CNTN5: variants seen among roughly 807,000 people sequenced by gnomAD.
CNTN5 encodes the protein contactin-5.
CNTN5 carries 77 observed loss-of-function variants against 129.1 expected under a neutral mutation model. The observed-to-expected ratio is 0.60, with a 90% CI of 0.50 to 0.72. The LOEUF (loss-of-function observed/expected upper bound fraction) is 0.72, where lower values mean the gene tolerates loss of function less well. Ranked by LOEUF, CNTN5 falls within the 30% of genes least tolerant of loss-of-function variation. CNTN5 has a pLI of 0.00. For missense variants in CNTN5, 1,478 were observed against 1,328.8 expected, an observed-to-expected ratio of 1.11 and a Z score of -1.75; for synonymous variants, 509 against 465.6, an observed-to-expected ratio of 1.09 and a Z score of -1.20.
intron 1 of CNTN5, among the ~76,000 whole-genome samples, chr11:99,270,724 C>A (rs993902607): frequency 6.6e-6 from 1 of 151,896 alleles, no homozygotes; most frequent in Admixed American, 6.6e-5. Context: ...AATATTATAC[C>A]GACATGCTGT....
At chr11:99,116,290 C>A (rs981684918) in intron 1 of CNTN5, among the ~76,000 whole-genome samples, 3 of 152,090 alleles carry the variant, frequency 2.0e-5, no homozygotes, top group African/African-American at 4.8e-5. Context: ...CGATTTCCCC[C>A]AAAATTTATC....
chr11:100,029,489 A>G (rs924743123), intron 9 of CNTN5, among the ~76,000 whole-genome samples: 13 of 152,248 alleles, frequency 8.5e-5, no homozygotes, highest in African/African-American at 2.9e-4. Context: ...AGGCTGAGGC[A>G]GGAGAATGGC....
chr11:99,997,381 A>G (rs1295519234), intron 8 of CNTN5, among the ~76,000 whole-genome samples: 2 of 152,310 alleles, frequency 1.3e-5, no homozygotes, highest in East Asian at 1.9e-4. Context: ...AAACACCTCT[A>G]TGCAAATAAA....
intron 18 of CNTN5, among the ~76,000 whole-genome samples, chr11:100,288,181 C>G (rs923619136): frequency 1.3e-5 from 2 of 152,164 alleles, no homozygotes; most frequent in African/African-American, 4.8e-5. Context: ...AACCCACTGT[C>G]AACATTAGAC....
In CNTN5 at chr11:99,924,541, A is replaced by G. The variant is rs1194306047; in HGVS notation, c.673+8392A>G. On this transcript the variant is annotated intron_variant, in intron 7 of 24. Transcript: ENST00000524871. The stretch of plus-strand genomic sequence containing the variant: ...TTTTTGTCATTTTTTTTGAAGATCA[A>G]TTGGTTGTGGGTATGCAGCTTTAAT... 4.6e-5 allele frequency among the ~76,000 whole-genome samples: 7 copies of G among 151,972 alleles called. 1 individual carries two copies. The East Asian group carries it at 5.8e-4, about 13-fold the overall frequency.
At position 99,392,867 on chromosome 11, in the gene CNTN5, A is replaced by G. The variant is rs755909709; in HGVS notation, c.-71+67383A>G. On this transcript the variant is annotated intron_variant, in intron 2 of 24. Coordinates refer to ENST00000524871, the MANE Select transcript of CNTN5 (RefSeq NM_014361.4). Reference sequence around the variant, plus strand: ...CTAATGTTGTAGACCAAACAACAGGACATGCCTAAACATTTCAAAGTAGAA... The same window carrying G: ...CTAATGTTGTAGACCAAACAACAGGGCATGCCTAAACATTTCAAAGTAGAA... Among the ~76,000 whole-genome samples, 3 of 151,920 alleles carry G rather than the reference A, an allele frequency of 2.0e-5. No homozygotes were observed. The East Asian group carries it at 5.8e-4, about 29-fold the overall frequency.
chr11:100,203,840 T>C (rs1948845462), intron 15 of CNTN5, among the ~76,000 whole-genome samples: 1 of 84,690 alleles, frequency 1.2e-5, no homozygotes, highest in Non-Finnish European at 2.5e-5. Context: ...ACTGCCCCTA[T>C]CTTGGATCTA....
chr11:99,079,592 C>T (rs542080499), intron 1 of CNTN5, among the ~76,000 whole-genome samples: 8 of 152,252 alleles, frequency 5.3e-5, no homozygotes, highest in African/African-American at 1.7e-4. Flanking sequence ...AATTGGCTAA[C>T]GAATATAGAA....
chr11:100,298,384 T>C (rs1340666010), intron 19 of CNTN5, among the ~76,000 whole-genome samples: 1 of 151,514 alleles, frequency 6.6e-6, no homozygotes, highest in Non-Finnish European at 1.5e-5. Context: ...TGACCTTCAC[T>C]GAGACCAGAT....
chr11:99,509,962 C>T (rs990082111), intron 2 of CNTN5, among the ~76,000 whole-genome samples: 5 of 151,434 alleles, frequency 3.3e-5, no homozygotes, highest in African/African-American at 1.2e-4. Flanking sequence ...TTCTGTAAGT[C>T]TATATACAAA....
In CNTN5 at chr11:99,179,537, A is replaced by T. The variant is rs369733148; in HGVS notation, c.-209-145809A>T. Among the ~76,000 whole-genome samples the T allele has an allele frequency of 2.0e-5, 3 of 152,222 alleles. No individual in the cohort carries two copies. The South Asian group carries it at 6.2e-4, about 31-fold the overall frequency. On this transcript the variant is annotated intron_variant, in intron 1 of 24. Transcript: ENST00000524871. ...CTAGTTTTACCTAGTTCATATAGAT[A>T]TTTCTAAAGAGTTAATGTAATTTTA...
chr11:99,688,806 G>T (rs932168813), intron 3 of CNTN5, among the ~76,000 whole-genome samples: 1 of 151,990 alleles, frequency 6.6e-6, no homozygotes, highest in Non-Finnish European at 1.5e-5. Context: ...CTCTCTACAC[G>T]TTAATGTATT....
chr11:99,235,707 T>A (rs922808189), intron 1 of CNTN5, among the ~76,000 whole-genome samples: 6 of 152,190 alleles, frequency 3.9e-5, no homozygotes, highest in African/African-American at 1.4e-4. Context: ...GTTAGTTGGA[T>A]TTCTTTTCCT....
chr11:99,538,895 G>A (rs746252797), intron 2 of CNTN5, among the ~76,000 whole-genome samples: 4 of 152,046 alleles, frequency 2.6e-5, no homozygotes, highest in Non-Finnish European at 5.9e-5. Flanking sequence ...ATATTAATAT[G>A]CTTAAATTTT....
intron 3 of CNTN5, among the ~76,000 whole-genome samples, chr11:99,673,813 G>T (rs1041734584): frequency 1.3e-5 from 2 of 151,862 alleles, no homozygotes; most frequent in African/African-American, 2.4e-5. Context: ...AGCATTCCAT[G>T]TTGTATATGC....
rs572797898 is a variant in CNTN5 at position 100,045,710 on chromosome 11, C to T, written c.981-15502C>T. 2.3e-4 allele frequency among the ~76,000 whole-genome samples: 32 copies of T among 137,322 alleles called. 1 individual carries two copies. Among genetic ancestry groups the T allele is most frequent in the African/African-American group, 3.7e-4 (14 of 37,652 alleles). 90.1% of individuals were successfully genotyped at this position (137,322 alleles called of 152,430 possible). ...GACTACCTAAATTCTTTTAGATGTA[C>T]ATTTATTATTAAAAAAAAAAAAAAG... On this transcript the variant is annotated intron_variant, in intron 9 of 24. Transcript: ENST00000524871.
chr11:99,803,126 G>T (rs1021373683), intron 3 of CNTN5, among the ~76,000 whole-genome samples: 38 of 152,174 alleles, frequency 2.5e-4, no homozygotes, highest in African/African-American at 9.2e-4. Context: ...TGTCCAGAAA[G>T]GACGGGGTGG....
At chr11:99,120,711 A>G (rs1208951288) in intron 1 of CNTN5, among the ~76,000 whole-genome samples, 1 of 152,160 alleles carries the variant, frequency 6.6e-6, no homozygotes, top group Non-Finnish European at 1.5e-5. Context: ...GCTTGGGAAA[A>G]TACCATCATC....
At chr11:99,483,818 C>A (rs1321616797) in intron 2 of CNTN5, among the ~76,000 whole-genome samples, 1 of 152,124 alleles carries the variant, frequency 6.6e-6, no homozygotes, top group Non-Finnish European at 1.5e-5. Flanking sequence ...TAAGCACAGT[C>A]TCTTCAGTAA....
Sources: allele counts gnomAD v4.1 joint callset (sites outside exome capture counted in the v4.1 genomes callset), GRCh38; gene constraint gnomAD v4.1.1; transcripts MANE v1.5; gene names NCBI Gene and HGNC (gene_info 2026-07-23, HGNC 2026-07-21).